The following CNTNAP2 variants were observed in gnomAD, a reference collection of about 807,000 sequenced individuals.
CNTNAP2 encodes the protein contactin-associated protein-like 2.
CNTNAP2 carries 98 observed loss-of-function variants against 155.2 expected under a neutral mutation model. The ratio of observed to expected loss-of-function variants is 0.63; its 90% CI spans 0.54 to 0.75. CNTNAP2 has a LOEUF of 0.75. Among genes scored for constraint, CNTNAP2 ranks in the 30% least tolerant of loss-of-function variants. The probability of loss-of-function intolerance (pLI) is 0.00; values close to 1 mark genes in which losing one functional copy is unlikely to be tolerated. For synonymous variants in CNTNAP2, 651 were observed against 631.2 expected (o/e 1.03, Z -0.47); for missense variants, 1,727 against 1,688.1 (o/e 1.02, Z -0.40).
intron 13 of CNTNAP2, among the ~76,000 whole-genome samples, chr7:147,715,247 G>A (rs1432905278): frequency 1.3e-5 from 2 of 151,978 alleles, no homozygotes; most frequent in Non-Finnish European, 2.9e-5. Context: ...TATTTTAAAA[G>A]AAACTATCAA....
intron 21 of CNTNAP2, among the ~76,000 whole-genome samples, chr7:148,296,693 A>G (rs1284833088): frequency 2.0e-5 from 3 of 152,174 alleles, no homozygotes; most frequent in African/African-American, 7.2e-5. Context: ...GAGCACTGCA[A>G]TAGATCCTCC....
intron 13 of CNTNAP2, among the ~76,000 whole-genome samples, chr7:147,901,802 T>C (rs1799873456): frequency 6.6e-6 from 1 of 152,210 alleles, no homozygotes; most frequent in African/African-American, 2.4e-5. Context: ...TCCATTCTGT[T>C]GAGTTGCTTC....
Position 148,416,215 on chromosome 7 carries a change from C to CCTGACTGATACCAG in CNTNAP2, c.*601_*614dup, listed in dbSNP as rs1799985111. On this transcript the variant is annotated 3_prime_UTR_variant, in exon 24 of 24. Transcript: ENST00000361727. Reference sequence around the variant, plus strand: ...TGCCAGCTCTCTGGCATCTGGGGTTCCTGACTGATACCAGCAGTTGAAGGA... The same window carrying CCTGACTGATACCAG: ...TGCCAGCTCTCTGGCATCTGGGGTTCCTGACTGATACCAGCTGACTGATACCAGCAGTTGAAGGA... The CCTGACTGATACCAG allele has an allele frequency of 6.5e-6, 1 of 153,642 alleles. No individual in the cohort carries two copies. The allele number at this position is 153,642 out of a possible 1,614,324, so 9.5% of individuals were successfully genotyped here.
chr7:147,599,254 A>G (rs1224261734), intron 12 of CNTNAP2, among the ~76,000 whole-genome samples: 1 of 151,740 alleles, frequency 6.6e-6, no homozygotes, highest in Non-Finnish European at 1.5e-5. Context: ...AGGTGGGTCA[A>G]TCCTCTGAGA....
At position 147,083,998 on chromosome 7, in the gene CNTNAP2, C is replaced by T. The variant is rs1433582850; in HGVS notation, c.551-24149C>T. ...TATACACATATATGTATATATAATA[C>T]ATATATACATAATGCTATATATGTA... On this transcript the variant is annotated intron_variant, in intron 4 of 23. Coordinates refer to ENST00000361727, the MANE Select transcript of CNTNAP2 (RefSeq NM_014141.6). Among the ~76,000 whole-genome samples, 6 of 127,728 alleles carry T rather than the reference C, an allele frequency of 4.7e-5. No individual in the cohort carries two copies. The South Asian group carries it at 1.5e-3, about 31-fold the overall frequency. The allele number at this position is 127,728 out of a possible 152,430, so 83.8% of individuals were successfully genotyped here. A position where few individuals can be genotyped will look rare whatever the true frequency, so the allele number is the denominator to read the frequency against.
intron 1 of CNTNAP2, among the ~76,000 whole-genome samples, chr7:146,721,822 AGAC>A (rs1801334146): frequency 8.3e-6 from 1 of 120,048 alleles, no homozygotes; most frequent in African/African-American, 4.0e-5. Context: ...CTATATATGT[AGAC>A]TATATATAGT....
chr7:147,117,305 T>A (rs773286047), intron 5 of CNTNAP2, among the ~76,000 whole-genome samples: 5 of 152,206 alleles, frequency 3.3e-5, no homozygotes, highest in Non-Finnish European at 7.4e-5. Flanking sequence ...TCACAAGATC[T>A]CCTAATCTGT....
intron 1 of CNTNAP2, among the ~76,000 whole-genome samples, chr7:146,412,552 A>G (rs1724523): frequency 0.035 from 5,399 of 152,228 alleles, 332 homozygotes; most frequent in African/African-American, 0.12. Context: ...CAGGCCATGT[A>G]TTCATTCTAC....
At chr7:147,082,591 C>T (rs1034075390) in intron 4 of CNTNAP2, 3 of 152,308 alleles carry the variant, frequency 2.0e-5, no homozygotes, top group South Asian at 2.1e-4. Flanking sequence ...TTTACTTCCT[C>T]GCCCCTAGAC....
intron 8 of CNTNAP2, among the ~76,000 whole-genome samples, chr7:147,184,644 G>A (rs1400362122): frequency 1.3e-5 from 2 of 151,736 alleles, no homozygotes; most frequent in Non-Finnish European, 2.9e-5. Context: ...ATAGCAACAA[G>A]TACACTAAAC....
intron 12 of CNTNAP2, among the ~76,000 whole-genome samples, chr7:147,620,377 C>T (rs1041790988): frequency 1.3e-5 from 2 of 152,104 alleles, no homozygotes; most frequent in Admixed American, 1.3e-4. Flanking sequence ...AGATATGTGA[C>T]TTTTCAGACA....
intron 13 of CNTNAP2, among the ~76,000 whole-genome samples, chr7:147,670,576 A>G (rs1233635813): frequency 6.6e-6 from 1 of 152,192 alleles, no homozygotes; most frequent in Non-Finnish European, 1.5e-5. Flanking sequence ...GATGTTGGAG[A>G]GAAGTGGCTT....
At chr7:147,495,044 C>T (rs973311703) in intron 11 of CNTNAP2, among the ~76,000 whole-genome samples, 3 of 152,114 alleles carry the variant, frequency 2.0e-5, no homozygotes, top group African/African-American at 7.2e-5. Flanking sequence ...AGACGAGAGC[C>T]ATTTTCCTTA....
intron 11 of CNTNAP2, among the ~76,000 whole-genome samples, chr7:147,534,254 A>G (rs567784970): frequency 6.6e-6 from 1 of 152,316 alleles, no homozygotes; most frequent in African/African-American, 2.4e-5. Flanking sequence ...AGCACTGCAG[A>G]GCCCCTGGCA....
intron 13 of CNTNAP2, among the ~76,000 whole-genome samples, chr7:147,742,432 CTT>C (rs1329050756): frequency 1.3e-5 from 2 of 152,178 alleles, no homozygotes; most frequent in African/African-American, 4.8e-5. Flanking sequence ...TAATTCTTAA[CTT>C]TCTCTCCCTT....
At chr7:147,799,489 A>G (rs1254985618) in intron 13 of CNTNAP2, among the ~76,000 whole-genome samples, 1 of 152,208 alleles carries the variant, frequency 6.6e-6, no homozygotes, top group Admixed American at 6.5e-5. Flanking sequence ...GGAAGTAATT[A>G]TAATATGTAA....
intron 17 of CNTNAP2, among the ~76,000 whole-genome samples, chr7:148,155,284 C>G (rs1004094616): frequency 6.6e-6 from 1 of 152,208 alleles, no homozygotes; most frequent in Non-Finnish European, 1.5e-5. Context: ...AAAAATTGCA[C>G]TGGGCAAAGT....
intron 21 of CNTNAP2, among the ~76,000 whole-genome samples, chr7:148,331,767 A>AT (rs1798027967): frequency 2.1e-5 from 3 of 141,800 alleles, no homozygotes; most frequent in Non-Finnish European, 1.6e-5. Flanking sequence ...GATGGATTGG[A>AT]TGGATGGAAT....
chr7:146,358,519 T>C (rs1795037064), intron 1 of CNTNAP2, among the ~76,000 whole-genome samples: 1 of 152,152 alleles, frequency 6.6e-6, no homozygotes, highest in African/African-American at 2.4e-5. Context: ...TTTCTTTCAC[T>C]CAACGCAGAC....
Sources: gnomAD v4.1 joint callset for allele counts (sites outside exome capture counted in the v4.1 genomes callset) on GRCh38, gnomAD v4.1.1 for gene constraint, MANE v1.5 for transcripts, NCBI Gene and HGNC (gene_info 2026-07-23, HGNC 2026-07-21) for gene names.